Variants in TSHZ2 observed in about 807,000 individuals in gnomAD.
TSHZ2 encodes the protein teashirt homolog 2.
TSHZ2 carries 21 observed loss-of-function variants against 74.4 expected under a neutral mutation model. That is an observed-to-expected ratio of 0.28 (90% CI 0.20 to 0.41). TSHZ2 has a LOEUF of 0.41. Ranked by LOEUF, TSHZ2 falls within the 10% of genes least tolerant of loss-of-function variation. TSHZ2 has a pLI of 1.00. For synonymous variants in TSHZ2, 540 were observed against 515.3 expected (o/e 1.05, Z -0.65); for missense variants, 1,244 against 1,293.5 (o/e 0.96, Z 0.59).
At chr20:53,040,403 G>A (rs1212730925) in intron 1 of TSHZ2, among the ~76,000 whole-genome samples, 1 of 152,170 alleles carries the variant, frequency 6.6e-6, no homozygotes, top group African/African-American at 2.4e-5. Context: ...CTTGTGGGCT[G>A]TGCTAAATAT....
At chr20:53,106,649 C>T (rs112212261) in intron 1 of TSHZ2, among the ~76,000 whole-genome samples, 16,128 of 150,286 alleles carry the variant, frequency 0.11, 904 homozygotes, top group Non-Finnish European at 0.12. Context: ...CATGATCCGC[C>T]GGCCTCCCAA....
chr20:53,212,397 A>G (rs1989332840), intron 1 of TSHZ2, among the ~76,000 whole-genome samples: 1 of 152,208 alleles, frequency 6.6e-6, no homozygotes, highest in African/African-American at 2.4e-5. Flanking sequence ...GTAGCAAATT[A>G]TACTAACGAA....
intron 2 of TSHZ2, among the ~76,000 whole-genome samples, chr20:53,417,297 ATTTG>A (rs1007839004): frequency 7.4e-6 from 1 of 134,940 alleles, no homozygotes; most frequent in Non-Finnish European, 1.6e-5. Flanking sequence ...TTTTTTTTTT[ATTTG>A]TTTGTTTTGT....
At chr20:53,267,131 AC>A (rs914880632) in intron 2 of TSHZ2, among the ~76,000 whole-genome samples, 1 of 152,196 alleles carries the variant, frequency 6.6e-6, no homozygotes, top group Non-Finnish European at 1.5e-5. Context: ...TGGTAAGAGT[AC>A]CACCTATGAG....
chr20:53,168,356 A>AAAACCACTG (rs1164820963), intron 1 of TSHZ2, among the ~76,000 whole-genome samples: 1 of 152,232 alleles, frequency 6.6e-6, no homozygotes, highest in Non-Finnish European at 1.5e-5. Context: ...CTGAGAAATG[A>AAAACCACTG]AAACCACTGG....
intron 2 of TSHZ2, among the ~76,000 whole-genome samples, chr20:53,406,931 A>G (rs1205047143): frequency 1.3e-5 from 2 of 152,170 alleles, no homozygotes; most frequent in African/African-American, 4.8e-5. Flanking sequence ...ACGTCTTCCT[A>G]ATCCCTACAT....
chr20:53,083,838 A>G (rs920300090), intron 1 of TSHZ2, among the ~76,000 whole-genome samples: 1 of 151,742 alleles, frequency 6.6e-6, no homozygotes, highest in Non-Finnish European at 1.5e-5. Context: ...GGGAATGTCT[A>G]TTTTTTTTAT....
intron 1 of TSHZ2, among the ~76,000 whole-genome samples, chr20:52,995,836 G>A (rs950632208): frequency 6.6e-6 from 1 of 151,596 alleles, no homozygotes; most frequent in African/African-American, 2.4e-5. Flanking sequence ...TGGCCAGGCT[G>A]GTCTTGATCT....
intron 2 of TSHZ2, among the ~76,000 whole-genome samples, chr20:53,476,100 T>C (rs1568935041): frequency 7.0e-6 from 1 of 143,732 alleles, no homozygotes; most frequent in Non-Finnish European, 1.5e-5. Context: ...ACTGGTACCA[T>C]TCCTTCTGGA....
At chr20:53,342,192 TGTTTCCCTGCGTC>T (rs1980232627) in intron 2 of TSHZ2, among the ~76,000 whole-genome samples, 7 of 152,062 alleles carry the variant, frequency 4.6e-5, no homozygotes, top group Admixed American at 4.6e-4. Context: ...ATTTCCTTAG[TGTTTCCCTGCGTC>T]ATTTTCCTGC....
chr20:53,034,839 G>A (rs1219829108), intron 1 of TSHZ2, among the ~76,000 whole-genome samples: 1 of 152,198 alleles, frequency 6.6e-6, no homozygotes, highest in Non-Finnish European at 1.5e-5. Flanking sequence ...GATCTTATAG[G>A]TCAGGATAAA....
intron 2 of TSHZ2, among the ~76,000 whole-genome samples, chr20:53,382,223 C>T (rs1485160825): frequency 6.6e-6 from 1 of 152,156 alleles, no homozygotes; most frequent in African/African-American, 2.4e-5. Context: ...TCCTAAGAGG[C>T]TCTTTTTCCT....
At chr20:53,388,973 T>C (rs1354530706) in intron 2 of TSHZ2, among the ~76,000 whole-genome samples, 2 of 152,356 alleles carry the variant, frequency 1.3e-5, no homozygotes, top group Admixed American at 6.5e-5. Flanking sequence ...CTTTCACTTA[T>C]ATTATGTAGT....
intron 1 of TSHZ2, among the ~76,000 whole-genome samples, chr20:53,001,494 T>A (rs1224307084): frequency 4.6e-5 from 7 of 151,962 alleles, no homozygotes; most frequent in Non-Finnish European, 8.8e-5. Flanking sequence ...AGGTAGAGGA[T>A]GAAAGGAAAA....
intron 1 of TSHZ2, among the ~76,000 whole-genome samples, chr20:53,212,973 A>G (rs748473833): frequency 6.6e-6 from 1 of 152,144 alleles, no homozygotes; most frequent in Non-Finnish European, 1.5e-5. Flanking sequence ...CTGTGGATCA[A>G]AAGTAAGGAG....
At chr20:53,360,748 T>C (rs1263154663) in intron 2 of TSHZ2, among the ~76,000 whole-genome samples, 1 of 152,224 alleles carries the variant, frequency 6.6e-6, no homozygotes, top group African/African-American at 2.4e-5. Context: ...AAGTATCTTA[T>C]ACAAGGTACA....
intron 1 of TSHZ2, among the ~76,000 whole-genome samples, chr20:53,180,809 A>G (rs1988449390): frequency 6.6e-6 from 1 of 152,176 alleles, no homozygotes; most frequent in Non-Finnish European, 1.5e-5. Flanking sequence ...ATCACTTGTT[A>G]ACACAAAGCA....
rs544571537 is a variant in TSHZ2 at position 53,338,323 on chromosome 20, G to A, written c.*8+81752G>A. ...TGCTCTCTATCTAACGTGGGATGGT[G>A]AGAACAATGGAAACATCGGTGAAGC... On this transcript the variant is annotated intron_variant, in intron 2 of 2. Transcript: ENST00000371497. Among the ~76,000 whole-genome samples the A allele has an allele frequency of 1.3e-4, 20 of 152,304 alleles. No homozygotes were observed. In the South Asian group the frequency reaches 3.5e-3, roughly 27 times the overall value.
At chr20:53,182,474 G>A (rs912745908) in intron 1 of TSHZ2, among the ~76,000 whole-genome samples, 7 of 152,334 alleles carry the variant, frequency 4.6e-5, no homozygotes, top group East Asian at 1.9e-4. Flanking sequence ...CGAGGTGGGC[G>A]GGGTTTGCCC....
Sources: allele counts gnomAD v4.1 joint callset (sites outside exome capture counted in the v4.1 genomes callset), GRCh38; gene constraint gnomAD v4.1.1; transcripts MANE v1.5; gene names NCBI Gene and HGNC (gene_info 2026-07-23, HGNC 2026-07-21).